Variants in UBE2W observed in about 807,000 individuals in gnomAD.
The protein encoded by UBE2W is ubiquitin-conjugating enzyme E2 W.
Under a neutral mutation model 27.2 loss-of-function variants are expected in UBE2W, and 18 were observed. The ratio of observed to expected loss-of-function variants is 0.66; its 90% CI spans 0.46 to 0.98. UBE2W has a LOEUF of 0.98. Ranked by LOEUF, UBE2W falls within the 50% of genes least tolerant of loss-of-function variation. The pLI is 0.00. For missense variants in UBE2W, 90 were observed against 180.2 expected (o/e 0.50, Z 2.87); for synonymous variants, 53 against 57.2 (o/e 0.93, Z 0.33).
chr8:73,873,502 A>T (rs1812092625), intron 1 of UBE2W, among the ~76,000 whole-genome samples: 1 of 152,054 alleles, frequency 6.6e-6, no homozygotes, highest in African/African-American at 2.4e-5. Context: ...TACAAAAAAT[A>T]AAAAAATTAG....
chr8:73,808,678 T>C (rs1179620765), intron 4 of UBE2W, among the ~76,000 whole-genome samples: 2 of 152,360 alleles, frequency 1.3e-5, no homozygotes, highest in African/African-American at 2.4e-5. Flanking sequence ...TAAATGTTTT[T>C]TGAATTTTAT....
intron 5 of UBE2W, 48 bp from the exon 6 acceptor site, chr8:73,794,163 A>C: frequency 6.3e-7 from 1 of 1,596,146 alleles, no homozygotes. Flanking sequence ...AGCATGTATA[A>C]GTAAATTCTA....
intron 1 of UBE2W, among the ~76,000 whole-genome samples, chr8:73,834,426 A>G (rs1810220499): frequency 6.6e-6 from 1 of 152,228 alleles, no homozygotes; most frequent in African/African-American, 2.4e-5. Context: ...TCTTCAACAG[A>G]ACTTTCCATA....
intron 3 of UBE2W, 143 bp downstream of exon 3, chr8:73,825,004 T>C: frequency 5.1e-6 from 3 of 589,290 alleles, no homozygotes; most frequent in South Asian, 4.9e-5. Context: ...TGTTCATATC[T>C]TGATTATATG....
chr8:73,785,528 C>G (rs558651730), downstream of UBE2W, among the ~76,000 whole-genome samples: 1 of 152,232 alleles, frequency 6.6e-6, no homozygotes, highest in East Asian at 1.9e-4. Context: ...GGGGTTTGGG[C>G]TCTATTGAAC....
intron 1 of UBE2W, among the ~76,000 whole-genome samples, chr8:73,873,042 A>G (rs1812070615): frequency 6.6e-6 from 1 of 151,878 alleles, no homozygotes; most frequent in Non-Finnish European, 1.5e-5. Context: ...AATAACTGGG[A>G]TTACAGATGC....
intron 1 of UBE2W, among the ~76,000 whole-genome samples, chr8:73,875,711 T>C (rs972313119): frequency 2.0e-5 from 3 of 152,182 alleles, no homozygotes; most frequent in African/African-American, 4.8e-5. Context: ...AATTTCCTAG[T>C]CTTCTTCCAT....
At chr8:73,866,937 A>G (rs1811800305) in intron 1 of UBE2W, among the ~76,000 whole-genome samples, 1 of 151,260 alleles carries the variant, frequency 6.6e-6, no homozygotes, top group Non-Finnish European at 1.5e-5. Context: ...CCCATGAGGC[A>G]GAGGTTGCAG....
intron 1 of UBE2W, among the ~76,000 whole-genome samples, chr8:73,842,082 G>C (rs1421926002): frequency 2.6e-5 from 4 of 152,284 alleles, no homozygotes; most frequent in Admixed American, 2.6e-4. Context: ...AGAAATCCAA[G>C]TTCTGTCCTT....
chr8:73,802,680 A>C (rs1004908210), intron 5 of UBE2W, among the ~76,000 whole-genome samples: 1 of 151,030 alleles, frequency 6.6e-6, no homozygotes, highest in Non-Finnish European at 1.5e-5. Flanking sequence ...CCCTGAGGTC[A>C]GGAGTTCGAG....
At chr8:73,870,171 T>G (rs1010473065) in intron 1 of UBE2W, 2 of 1,229,080 alleles carry the variant, frequency 1.6e-6, no homozygotes, top group Non-Finnish European at 2.3e-6. Flanking sequence ...GAAAAAATTG[T>G]GCATTAAAAG....
At chr8:73,857,263 T>C (rs1021146876) in intron 1 of UBE2W, among the ~76,000 whole-genome samples, 3 of 152,186 alleles carry the variant, frequency 2.0e-5, no homozygotes, top group Non-Finnish European at 4.4e-5. Flanking sequence ...AAAAATCACA[T>C]TTAATTCTTA....
intron 1 of UBE2W, among the ~76,000 whole-genome samples, chr8:73,872,260 T>G (rs573230163): frequency 2.0e-5 from 3 of 152,210 alleles, no homozygotes; most frequent in African/African-American, 7.2e-5. Flanking sequence ...CCGTAAATAT[T>G]TGTCCATTAC....
At chr8:73,836,300 A>G (rs766973568) in intron 1 of UBE2W, among the ~76,000 whole-genome samples, 24 of 152,356 alleles carry the variant, frequency 1.6e-4, no homozygotes, top group Non-Finnish European at 3.5e-4. Context: ...ACTGCCTTGC[A>G]TATTCACATC....
At chr8:73,864,750 T>TGGGGGGGGGG (rs71269956) in intron 1 of UBE2W, among the ~76,000 whole-genome samples, 7 of 88,608 alleles carry the variant, frequency 7.9e-5, no homozygotes, top group African/African-American at 2.4e-4. Flanking sequence ...CAAATTTTTT[T>TGGGGGGGGGG]GGGGGGGGGG....
intron 1 of UBE2W, among the ~76,000 whole-genome samples, chr8:73,848,620 A>C (rs1050868944): frequency 1.1e-4 from 17 of 152,296 alleles, no homozygotes; most frequent in African/African-American, 3.8e-4. Flanking sequence ...TGAGCCTAGG[A>C]ATTGGAGGCT....
chr8:73,790,123 T>G lies in UBE2W; in HGVS notation c.*3979A>C. 4.1e-6 allele frequency: 4 copies of G among 985,060 alleles called. No individual in the cohort carries two copies. Among genetic ancestry groups the G allele is most frequent in the Non-Finnish European group, 4.8e-6 (4 of 829,768 alleles). 61.0% of individuals were successfully genotyped at this position (985,060 alleles called of 1,614,324 possible). A position where few individuals can be genotyped will look rare whatever the true frequency, so the allele number is the denominator to read the frequency against. On this transcript the variant is annotated 3_prime_UTR_variant, in exon 6 of 6. Coordinates refer to ENST00000602593, the MANE Select transcript of UBE2W (RefSeq NM_018299.6). ...TTTATTTGTAGGAGAGCATTTTAAA[T>G]TTTTCAAAAATTCATGGCATAATTT...
Position 73,787,938 on chromosome 8 carries a change from T to C in UBE2W, c.*6164A>G. ...CTACATATTACATAAAGGTGATGTG[T>C]TAAATAGATGGTTTAAGTGACTATC... On this transcript the variant is annotated 3_prime_UTR_variant, in exon 6 of 6. Transcript: ENST00000602593. 1 of 985,326 alleles carries C rather than the reference T, an allele frequency of 1.0e-6. No individual in the cohort carries two copies. Among genetic ancestry groups the C allele is most frequent in the South Asian group, 4.7e-5 (1 of 21,282 alleles). The allele number at this position is 985,326 out of a possible 1,614,324, so 61.0% of individuals were successfully genotyped here. A position where few individuals can be genotyped will look rare whatever the true frequency, so the allele number is the denominator to read the frequency against.
At chr8:73,805,388 G>A (rs577582199) in intron 5 of UBE2W, among the ~76,000 whole-genome samples, 16 of 133,768 alleles carry the variant, frequency 1.2e-4, no homozygotes, top group Middle Eastern at 4.1e-3. Context: ...AAGAGGCAGA[G>A]GTTGTGGTGA....
Sources: allele counts gnomAD v4.1 joint callset (sites outside exome capture counted in the v4.1 genomes callset), GRCh38; gene constraint gnomAD v4.1.1; transcripts MANE v1.5; gene names NCBI Gene and HGNC (gene_info 2026-07-23, HGNC 2026-07-21).